The following UGGT1 variants were observed in gnomAD, a reference collection of about 807,000 sequenced individuals.
The protein encoded by UGGT1 is UDP-glucose:glycoprotein glucosyltransferase 1.
In UGGT1, 107 loss-of-function variants were observed where a neutral mutation model predicts 203.9. The ratio of observed to expected loss-of-function variants is 0.52; its 90% CI spans 0.45 to 0.62. The LOEUF is 0.62. Ranked by LOEUF, UGGT1 falls within the 20% of genes least tolerant of loss-of-function variation. The pLI is 0.00. For synonymous variants in UGGT1, 628 were observed against 653.5 expected (o/e 0.96, Z 0.59); for missense variants, 1,673 against 1,867.2 (o/e 0.90, Z 1.92).
At chr2:128,104,548 A>G (rs962911416) in intron 3 of UGGT1, among the ~76,000 whole-genome samples, 3 of 152,256 alleles carry the variant, frequency 2.0e-5, no homozygotes, top group Non-Finnish European at 4.4e-5. Flanking sequence ...CGTATAAGCT[A>G]TATAGGGTGT....
At chr2:128,135,557 A>G (rs1689093070) in intron 15 of UGGT1, among the ~76,000 whole-genome samples, 1 of 152,246 alleles carries the variant, frequency 6.6e-6, no homozygotes, top group African/African-American at 2.4e-5. Context: ...ATGTGAAAAT[A>G]AAGAAGAAAA....
rs542584787 is a variant in UGGT1 at position 128,178,475 on chromosome 2, A to G, written c.3721A>G (p.Thr1241Ala). Residue 1241 changes from threonine (T) to alanine (A), a missense_variant, in exon 34 of 41, where the codon ACA (threonine) becomes GCA (alanine). Thr to Ala is a moderately conservative substitution (Grantham distance 58, BLOSUM62 0). Transcript: ENST00000259253. ...TTACCCTTATTGTTATAGGGGCTTTACAGGACAGAAGACTGAGGAAGTGAA... is the reference window on the plus strand; with the variant it reads ...TTACCCTTATTGTTATAGGGGCTTTGCAGGACAGAAGACTGAGGAAGTGAA... ...GFWDSFKWGFTGQKTEEVKQD... is the reference protein window; with the variant it reads ...GFWDSFKWGFAGQKTEEVKQD... 6.2e-7 allele frequency: 1 copy of G among 1,613,356 alleles called. No homozygotes were observed. Among genetic ancestry groups the G allele is most frequent in the East Asian group, 2.2e-5 (1 of 44,876 alleles).
chr2:128,108,782 T>C (rs4662774), intron 4 of UGGT1, among the ~76,000 whole-genome samples: 1 of 151,930 alleles, frequency 6.6e-6, no homozygotes, highest in Admixed American at 6.6e-5. Context: ...TCCGTGTACT[T>C]TGTCCTGATT....
chr2:128,111,737 C>T (rs1024633935), intron 5 of UGGT1, among the ~76,000 whole-genome samples: 36 of 151,844 alleles, frequency 2.4e-4, no homozygotes, highest in Admixed American at 1.3e-4. Context: ...CCTCGTGATC[C>T]GCCCGCCTCG....
At chr2:128,143,752 T>G (rs1161817050) in intron 17 of UGGT1, among the ~76,000 whole-genome samples, 1 of 152,182 alleles carries the variant, frequency 6.6e-6, no homozygotes, top group African/African-American at 2.4e-5. Context: ...TGTCTAGCTT[T>G]TTGAATAGAA....
At chr2:128,152,929 T>C (rs949052234) in intron 19 of UGGT1, 25 bp downstream of exon 19, 28 of 1,607,236 alleles carry the variant, frequency 1.7e-5, no homozygotes, top group Non-Finnish European at 2.1e-5. Context: ...AGGAACAACC[T>C]TATGCTTTTT....
chr2:128,103,013 C>G, intron 2 of UGGT1: 2 of 464,164 alleles, frequency 4.3e-6, no homozygotes, highest in South Asian at 1.6e-5. Context: ...TTTCAGAAAC[C>G]TATTTTTAGA....
intron 15 of UGGT1, 115 bp downstream of exon 15, chr2:128,135,076 A>G: frequency 1.2e-6 from 1 of 848,166 alleles, no homozygotes; most frequent in East Asian, 2.7e-5. Flanking sequence ...GCACATCACT[A>G]ATGGCAATTT....
rs1692261077 is a variant in UGGT1 at position 128,191,415 on chromosome 2, CAAAA to C, written c.*1676_*1679del. 6.6e-6 allele frequency: 1 copy of C among 151,978 alleles called. No individual in the cohort carries two copies. Among genetic ancestry groups the C allele is most frequent in the South Asian group, 2.1e-4 (1 of 4,804 alleles). The allele number at this position is 151,978 out of a possible 1,614,324, so 9.4% of individuals were successfully genotyped here. On this transcript the variant is annotated 3_prime_UTR_variant, in exon 41 of 41. Transcript: ENST00000259253. ...TGAGTACAATGAAAACAAAACAAAA[CAAAA>C]AATTAAGAAGAGGAAAGCTCAAAAG...
intron 28 of UGGT1, among the ~76,000 whole-genome samples, chr2:128,171,542 C>G (rs541265202): frequency 6.5e-4 from 99 of 152,284 alleles, no homozygotes; most frequent in African/African-American, 2.3e-3. Context: ...GAGTCTCGCT[C>G]TGTCGCCCAG....
At chr2:128,178,928 A>G (rs1423984695) in intron 34 of UGGT1, among the ~76,000 whole-genome samples, 1 of 152,190 alleles carries the variant, frequency 6.6e-6, no homozygotes, top group East Asian at 1.9e-4. Context: ...CTGCCTTGTA[A>G]AGATTCACAG....
chr2:128,186,749 G>A lies in UGGT1; in HGVS notation c.4426G>A (p.Glu1476Lys), dbSNP rs1692000616. The part of the protein sequence containing the change: ...KSLPQEWLWC[E>K]TWCDDASKKR... ...CCTCCCTCAAGAATGGCTTTGGTGTGAAACGTGGTGTGATGACGCCTCTAA... is the reference window on the plus strand; with the variant it reads ...CCTCCCTCAAGAATGGCTTTGGTGTAAAACGTGGTGTGATGACGCCTCTAA... Residue 1476 changes from glutamate (E) to lysine (K), a missense_variant, in exon 39 of 41, where the codon GAA (glutamate) becomes AAA (lysine). Coordinates refer to ENST00000259253, the MANE Select transcript of UGGT1 (RefSeq NM_020120.4). The A allele has an allele frequency of 6.2e-7, 1 of 1,613,624 alleles. No individual in the cohort carries two copies. Among genetic ancestry groups the A allele is most frequent in the Non-Finnish European group, 8.5e-7 (1 of 1,179,748 alleles).
intron 10 of UGGT1, 55 bp downstream of exon 10, chr2:128,121,353 C>T: frequency 1.6e-6 from 2 of 1,244,378 alleles, no homozygotes; most frequent in South Asian, 1.4e-5. Flanking sequence ...TCGTCATGTT[C>T]ACTTGCCAAA....
rs1375950826 is a variant in UGGT1, at chr2:128,194,137, G to T, written c.*4395G>T. On this transcript the variant is annotated 3_prime_UTR_variant, in exon 41 of 41. Coordinates refer to ENST00000259253, the MANE Select transcript of UGGT1 (RefSeq NM_020120.4). ...GACAGAGATTTGCTCTTGTTGCCCA[G>T]GGTGGAGTACAATGGTGTGACCTTG... The T allele has an allele frequency of 6.6e-6, 1 of 152,248 alleles. No individual in the cohort carries two copies. Among genetic ancestry groups the T allele is most frequent in the East Asian group, 1.9e-4 (1 of 5,196 alleles). The allele number at this position is 152,248 out of a possible 1,614,324, so 9.4% of individuals were successfully genotyped here. A position where few individuals can be genotyped will look rare whatever the true frequency, so the allele number is the denominator to read the frequency against.
intron 22 of UGGT1, among the ~76,000 whole-genome samples, chr2:128,159,139 A>G (rs1259165232): frequency 7.4e-6 from 1 of 135,608 alleles, no homozygotes; most frequent in Non-Finnish European, 1.5e-5. Flanking sequence ...TTACTCTGTC[A>G]TCCAGGCTGG....
chr2:128,161,311 G>T (rs1285469661), intron 25 of UGGT1, 43 bp downstream of exon 25: 23 of 1,599,046 alleles, frequency 1.4e-5, no homozygotes, highest in Non-Finnish European at 1.8e-5. Flanking sequence ...TATATAATTG[G>T]ACTTTCCTCA....
intron 16 of UGGT1, among the ~76,000 whole-genome samples, chr2:128,141,015 A>G (rs566602441): frequency 2.0e-5 from 3 of 151,926 alleles, no homozygotes; most frequent in Non-Finnish European, 4.4e-5. Flanking sequence ...GAAGTGAAGT[A>G]ATACTGCTCA....
chr2:128,149,382 T>C (rs1416570814), intron 18 of UGGT1, among the ~76,000 whole-genome samples: 2 of 146,458 alleles, frequency 1.4e-5, no homozygotes, highest in East Asian at 2.2e-4. Context: ...CGATGGCTCA[T>C]GCCTGTAATC....
At chr2:128,114,376 C>T (rs1688000616) in intron 6 of UGGT1, among the ~76,000 whole-genome samples, 1 of 152,154 alleles carries the variant, frequency 6.6e-6, no homozygotes, top group East Asian at 1.9e-4. Context: ...CCTCAGCCTC[C>T]CAAAGTGCTG....
Sources: gnomAD v4.1 joint callset for allele counts (sites outside exome capture counted in the v4.1 genomes callset) on GRCh38, gnomAD v4.1.1 for gene constraint, MANE v1.5 for transcripts, NCBI Gene and HGNC (gene_info 2026-07-23, HGNC 2026-07-21) for gene names.